CSMD3: variants seen among roughly 807,000 people sequenced by gnomAD.
The protein encoded by CSMD3 is CUB and sushi domain-containing protein 3.
A neutral mutation model predicts 435.2 loss-of-function variants in CSMD3; 177 were observed. That is an observed-to-expected ratio of 0.41 (90% CI 0.36 to 0.46). The LOEUF is 0.46. Among genes scored for constraint, CSMD3 ranks in the 20% least tolerant of loss-of-function variants. CSMD3 has a pLI of 0.34. For missense variants in CSMD3, 4,265 were observed against 4,504.6 expected (o/e 0.95, Z 1.52); for synonymous variants, 1,656 against 1,520.5 (o/e 1.09, Z -2.07).
intron 4 of CSMD3, among the ~76,000 whole-genome samples, chr8:113,105,592 A>C (rs1048889880): frequency 6.6e-6 from 1 of 152,176 alleles, no homozygotes; most frequent in African/African-American, 2.4e-5. Context: ...CAAAGCACAC[A>C]GGGCTGAGAT....
intron 6 of CSMD3, among the ~76,000 whole-genome samples, chr8:113,003,574 G>C (rs898642336): frequency 1.3e-5 from 2 of 151,962 alleles, no homozygotes; most frequent in Non-Finnish European, 2.9e-5. Flanking sequence ...TGGTTTAATA[G>C]AAACCAAAAT....
chr8:113,202,220 T>C (rs1396414602), intron 3 of CSMD3, among the ~76,000 whole-genome samples: 1 of 152,154 alleles, frequency 6.6e-6, no homozygotes, highest in African/African-American at 2.4e-5. Flanking sequence ...TTTAATTATA[T>C]AGCAGCTCTT....
In CSMD3 at chr8:112,733,592, TTAGA is replaced by T. The variant is rs929747668; in HGVS notation, c.1973-43546_1973-43543del. Among the ~76,000 whole-genome samples, 4 of 152,066 alleles carry T rather than the reference TTAGA, an allele frequency of 2.6e-5. No homozygotes were observed. The East Asian group carries it at 5.8e-4, about 22-fold the overall frequency. On this transcript the variant is annotated intron_variant, in intron 13 of 70. Coordinates refer to ENST00000297405, the MANE Select transcript of CSMD3 (RefSeq NM_198123.2). ...AATATAAAGGTAAGTAATTTGTAAG[TTAGA>T]TAGTAACTGATATTGATGTAATAAA...
chr8:112,347,486 A>C (rs1011843729), intron 40 of CSMD3, among the ~76,000 whole-genome samples: 2 of 152,222 alleles, frequency 1.3e-5, no homozygotes, highest in African/African-American at 4.8e-5. Flanking sequence ...GAATTTTAAC[A>C]ATGTTTTATA....
At chr8:112,848,262 CA>C (rs2080385049) in intron 11 of CSMD3, among the ~76,000 whole-genome samples, 1 of 151,996 alleles carries the variant, frequency 6.6e-6, no homozygotes, top group Non-Finnish European at 1.5e-5. Flanking sequence ...TATACAGGCA[CA>C]AATATGATTT....
intron 5 of CSMD3, among the ~76,000 whole-genome samples, chr8:113,092,067 T>C (rs1390759722): frequency 1.3e-5 from 2 of 152,086 alleles, no homozygotes; most frequent in Non-Finnish European, 2.9e-5. Context: ...CTGACTCTAG[T>C]CTTTGATAAA....
intron 16 of CSMD3, among the ~76,000 whole-genome samples, chr8:112,675,715 C>T (rs1020899223): frequency 6.6e-6 from 1 of 151,964 alleles, no homozygotes; most frequent in Non-Finnish European, 1.5e-5. Context: ...CAAGGTACTG[C>T]TTAGGGGAAA....
intron 7 of CSMD3, 69 bp from the exon 8 acceptor site, chr8:112,954,830 AT>A (rs1432085666): frequency 2.0e-6 from 2 of 981,300 alleles, no homozygotes; most frequent in African/African-American, 3.2e-5. Flanking sequence ...AAGTTAACAA[AT>A]TTTGTTAGCA....
intron 3 of CSMD3, among the ~76,000 whole-genome samples, chr8:113,268,526 T>C (rs1316488851): frequency 6.6e-6 from 1 of 151,900 alleles, no homozygotes; most frequent in East Asian, 1.9e-4. Context: ...AGAAAATTTT[T>C]CTGCAGAAAT....
intron 11 of CSMD3, among the ~76,000 whole-genome samples, chr8:112,842,295 T>C (rs957296641): frequency 6.6e-6 from 1 of 151,816 alleles, no homozygotes. Context: ...TCAAGCTCTC[T>C]TGGCAGCAGC....
rs1472048016 is a variant in CSMD3, at chr8:112,678,068, G to A, written c.2677+4374C>T. On this transcript the variant is annotated intron_variant, in intron 16 of 70. Transcript: ENST00000297405. ...CTATAATTATGTCTGTATAAAAAGTGGGAAAATACACCTGTCCATTGGGAG... is the reference window on the plus strand; with the variant it reads ...CTATAATTATGTCTGTATAAAAAGTAGGAAAATACACCTGTCCATTGGGAG... 2.0e-5 allele frequency among the ~76,000 whole-genome samples: 3 copies of A among 152,096 alleles called. No homozygotes were observed. In the East Asian group the frequency reaches 5.8e-4, roughly 29 times the overall value.
intron 6 of CSMD3, among the ~76,000 whole-genome samples, chr8:112,981,157 T>G (rs762833731): frequency 4.6e-5 from 7 of 151,358 alleles, no homozygotes; most frequent in Non-Finnish European, 1.0e-4. Context: ...TTAAAATATA[T>G]TACTCAATAA....
intron 10 of CSMD3, among the ~76,000 whole-genome samples, chr8:112,864,493 A>G (rs2080919501): frequency 6.6e-6 from 1 of 152,038 alleles, no homozygotes; most frequent in South Asian, 2.1e-4. Flanking sequence ...TCAAGTGATC[A>G]GCCCGCCTCA....
chr8:113,436,630 C>T (rs2130148562), intron 1 of CSMD3, 47 bp downstream of exon 1: 2 of 1,566,348 alleles, frequency 1.3e-6, no homozygotes, highest in Non-Finnish European at 1.8e-6. Flanking sequence ...ATCTACAAGT[C>T]AGCCCACCTC....
At chr8:112,905,989 C>G (rs1222881127) in intron 10 of CSMD3, among the ~76,000 whole-genome samples, 1 of 151,274 alleles carries the variant, frequency 6.6e-6, no homozygotes, top group Non-Finnish European at 1.5e-5. Context: ...TTTTAAAAGG[C>G]CAGAGAGCTA....
intron 30 of CSMD3, 123 bp from the exon 31 acceptor site, chr8:112,492,806 T>C (rs1228420741): frequency 3.7e-6 from 3 of 810,722 alleles, no homozygotes; most frequent in Non-Finnish European, 6.4e-6. Context: ...AAAAACTGTA[T>C]CTGTACTGAA....
At chr8:112,633,779 T>G (rs1445002921) in intron 22 of CSMD3, among the ~76,000 whole-genome samples, 1 of 152,052 alleles carries the variant, frequency 6.6e-6, no homozygotes, top group East Asian at 1.9e-4. Flanking sequence ...ACTAGCTTTA[T>G]CAGTTCCCTT....
At chr8:113,028,915 A>G (rs1564228376) in intron 5 of CSMD3, among the ~76,000 whole-genome samples, 1 of 151,666 alleles carries the variant, frequency 6.6e-6, no homozygotes, top group Non-Finnish European at 1.5e-5. Context: ...GAAGGTGACT[A>G]TACTAAATGA....
At chr8:112,225,023 T>C (rs781488630) in intron 70 of CSMD3, 93 bp from the exon 71 acceptor site, 7 of 1,210,166 alleles carry the variant, frequency 5.8e-6, no homozygotes, top group Non-Finnish European at 8.6e-6. Flanking sequence ...TAGCAGATAA[T>C]GTAACTTAAA....
Sources: gnomAD v4.1 joint callset for allele counts (sites outside exome capture counted in the v4.1 genomes callset) on GRCh38, gnomAD v4.1.1 for gene constraint, MANE v1.5 for transcripts, NCBI Gene and HGNC (gene_info 2026-07-23, HGNC 2026-07-21) for gene names.